Variants in GSE1 observed in about 807,000 individuals in gnomAD.
The protein encoded by GSE1 is Gse1 coiled-coil protein, also known as genetic suppressor element 1.
Under a neutral mutation model 112.6 loss-of-function variants are expected in GSE1, and 32 were observed. That is an observed-to-expected ratio of 0.28 (90% CI 0.21 to 0.38). The LOEUF (loss-of-function observed/expected upper bound fraction) is 0.38. Ranked by LOEUF, GSE1 falls within the 10% of genes least tolerant of loss-of-function variation. GSE1 has a pLI of 1.00. For synonymous variants in GSE1, 1,115 were observed against 735.6 expected (o/e 1.52, Z -8.35); for missense variants, 2,348 against 1,699.2 (o/e 1.38, Z -6.71).
chr16:85,652,137 G>A (rs77571082), intron 3 of GSE1, among the ~76,000 whole-genome samples: 1 of 152,330 alleles, frequency 6.6e-6, no homozygotes, highest in African/African-American at 2.4e-5. Flanking sequence ...GTGCACAGCT[G>A]TGCCATCAAC....
At chr16:85,605,662 C>CG (rs372753237) in intron 1 of GSE1, among the ~76,000 whole-genome samples, 4 of 151,552 alleles carry the variant, frequency 2.6e-5, no homozygotes, top group East Asian at 2.0e-4. Flanking sequence ...CCTGCACCCC[C>CG]GGGGGGGCCA....
intron 1 of GSE1, among the ~76,000 whole-genome samples, chr16:85,227,742 C>T (rs2075513672): frequency 6.6e-6 from 1 of 152,168 alleles, no homozygotes; most frequent in African/African-American, 2.4e-5. Flanking sequence ...GAGCACCCAC[C>T]ATAGTCTGGC....
chr16:85,317,241 T>G (rs2046004648), intron 1 of GSE1, among the ~76,000 whole-genome samples: 1 of 152,156 alleles, frequency 6.6e-6, no homozygotes, highest in Non-Finnish European at 1.5e-5. Flanking sequence ...GGACTAACAC[T>G]TGCTCCATGT....
intron 1 of GSE1, among the ~76,000 whole-genome samples, chr16:85,242,178 G>A (rs1284217931): frequency 6.6e-6 from 1 of 152,144 alleles, no homozygotes; most frequent in Non-Finnish European, 1.5e-5. Flanking sequence ...AGAGGCCCTC[G>A]CTTCCTCTCC....
chr16:85,541,395 C>G (rs1261563625), intron 2 of GSE1, among the ~76,000 whole-genome samples: 2 of 152,380 alleles, frequency 1.3e-5, no homozygotes, highest in East Asian at 3.9e-4. Context: ...GAGGAAGCCA[C>G]ACAGCAGCCA....
chr16:85,519,619 C>CCAT (rs2052100816), intron 2 of GSE1, among the ~76,000 whole-genome samples: 1 of 137,872 alleles, frequency 7.3e-6, no homozygotes, highest in Non-Finnish European at 1.6e-5. Context: ...ATCACCATCA[C>CCAT]CACCACCATC....
rs560412733 is a variant in GSE1 at position 85,221,447 on chromosome 16, G to A, written c.2283+49640G>A. 4.0e-5 allele frequency among the ~76,000 whole-genome samples: 6 copies of A among 151,850 alleles called. No homozygotes were observed. The East Asian group carries it at 1.2e-3, about 29-fold the overall frequency. ...CATGCATCCACGTGTGTGCACATGTGTACACACACACACACAGACGCACAC... is the reference window on the plus strand; with the variant it reads ...CATGCATCCACGTGTGTGCACATGTATACACACACACACACAGACGCACAC... On this transcript the variant is annotated intron_variant, in intron 1 of 2. Transcript: ENST00000637419.
At chr16:85,329,059 C>T (rs1597401612) in intron 1 of GSE1, among the ~76,000 whole-genome samples, 1 of 152,080 alleles carries the variant, frequency 6.6e-6, no homozygotes, top group African/African-American at 2.4e-5. Context: ...GGAGCCAGAA[C>T]CCCCGCGGCC....
chr16:85,206,255 G>A (rs570320943), intron 1 of GSE1, among the ~76,000 whole-genome samples: 1 of 152,248 alleles, frequency 6.6e-6, no homozygotes, highest in Admixed American at 6.5e-5. Context: ...GCAAGGAGGC[G>A]GGCGTTGGGG....
In GSE1 at chr16:85,661,649, C is replaced by G; in HGVS notation, c.2144C>G (p.Pro715Arg). ...PLKPGSPYRP[P>R]VPRAPDPAYI... ...AAGCCTGGCTCGCCCTACCGGCCCCCAGTGCCACGGGCCCCCGACCCTGCC... is the reference window on the plus strand; with the variant it reads ...AAGCCTGGCTCGCCCTACCGGCCCCGAGTGCCACGGGCCCCCGACCCTGCC... The change falls in exon 9 of 16, where the codon CCA (proline) becomes CGA (arginine). Residue 715 changes from proline (P) to arginine (R), a missense_variant. Pro to Arg is a moderately radical substitution (Grantham distance 103, BLOSUM62 -2). Transcript: ENST00000253458. The G allele has an allele frequency of 6.2e-7, 1 of 1,611,358 alleles. No homozygotes were observed. Among genetic ancestry groups the G allele is most frequent in the Non-Finnish European group, 8.5e-7 (1 of 1,179,490 alleles).
chr16:85,652,312 A>G (rs2051429693), intron 3 of GSE1, among the ~76,000 whole-genome samples: 1 of 152,166 alleles, frequency 6.6e-6, no homozygotes. Context: ...CCACTCCCCC[A>G]CTACCCCGGT....
In GSE1 at chr16:85,299,048, G is replaced by A. The variant is rs115662314; in HGVS notation, c.2284-58415G>A. Among the ~76,000 whole-genome samples the A allele has an allele frequency of 3.2e-3, 488 of 152,302 alleles. 6 individuals carry two copies. Among genetic ancestry groups the A allele is most frequent in the African/African-American group, 0.011 (463 of 41,546 alleles). On this transcript the variant is annotated intron_variant, in intron 1 of 2. Coordinates refer to the GSE1 transcript ENST00000637419. Reference sequence around the variant, plus strand: ...GGTGTGAGGATGCTTCCTGACATTCGTGACCCTGGTTCCTCTGTGGGGCGT... The same window carrying A: ...GGTGTGAGGATGCTTCCTGACATTCATGACCCTGGTTCCTCTGTGGGGCGT...
intron 1 of GSE1, 106 bp from the exon 2 acceptor site, chr16:85,633,808 C>A: frequency 1.2e-6 from 1 of 810,868 alleles, no homozygotes; most frequent in South Asian, 1.6e-5. Context: ...CCGGGGCTGC[C>A]CCTGCTCCCT....
rs750328956 is a variant in GSE1 at position 85,666,082 on chromosome 16, C to T, written c.2865C>T (p.Val955=). Residue 955 remains valine, a synonymous_variant, in exon 13 of 16, where the codon GTC becomes GTT. Coordinates refer to ENST00000253458, the MANE Select transcript of GSE1 (RefSeq NM_014615.5). Reference sequence around the variant, plus strand: ...CGGAGCCTGGGAAGCTGGAACAGGTCCGGCCCCAGGAGCTGTCGAGAGTCC... The same window carrying T: ...CGGAGCCTGGGAAGCTGGAACAGGTTCGGCCCCAGGAGCTGTCGAGAGTCC... The part of the protein sequence containing the change: ...KAAEPGKLEQ[V]RPQELSRVQE... 9 of 1,613,264 alleles carry T rather than the reference C, an allele frequency of 5.6e-6. No individual in the cohort carries two copies. In the Admixed American group the frequency reaches 1.0e-4, roughly 18 times the overall value.
At chr16:85,521,165 T>C (rs1398184955) in intron 2 of GSE1, among the ~76,000 whole-genome samples, 1 of 152,194 alleles carries the variant, frequency 6.6e-6, no homozygotes, top group Non-Finnish European at 1.5e-5. Context: ...TGACCACCGA[T>C]TGCCATCCGC....
intron 1 of GSE1, among the ~76,000 whole-genome samples, 195 bp downstream of exon 1, chr16:85,613,593 G>A (rs921174711): frequency 6.6e-6 from 1 of 151,516 alleles, no homozygotes; most frequent in African/African-American, 2.4e-5. Context: ...CCCGCGGGTC[G>A]CAGCCTGGGA....
At chr16:85,381,245 G>A (rs963081158) in intron 2 of GSE1, among the ~76,000 whole-genome samples, 1 of 152,192 alleles carries the variant, frequency 6.6e-6, no homozygotes, top group Non-Finnish European at 1.5e-5. Flanking sequence ...ACTCAGCGTG[G>A]TGTCTTCCAG....
intron 1 of GSE1, among the ~76,000 whole-genome samples, chr16:85,605,030 G>A (rs2047640200): frequency 6.7e-6 from 1 of 149,198 alleles, no homozygotes; most frequent in Non-Finnish European, 1.5e-5. Context: ...TGTTAGCCAG[G>A]ATGGTCTCGA....
intron 2 of GSE1, among the ~76,000 whole-genome samples, chr16:85,477,681 C>T (rs1396882200): frequency 6.6e-6 from 1 of 151,720 alleles, no homozygotes. Flanking sequence ...CTGCTTCAGC[C>T]TCCTGAGTAA....
Sources: allele counts gnomAD v4.1 joint callset (sites outside exome capture counted in the v4.1 genomes callset), GRCh38; gene constraint gnomAD v4.1.1; transcripts MANE v1.5; gene names NCBI Gene and HGNC (gene_info 2026-07-23, HGNC 2026-07-21).